The following TCF12 variants were observed in gnomAD, a reference collection of about 807,000 sequenced individuals.
TCF12 encodes the protein transcription factor 12, also known as DNA-binding protein HTF4.
Under a neutral mutation model 86.0 loss-of-function variants are expected in TCF12, and 45 were observed. The ratio of observed to expected loss-of-function variants is 0.52; its 90% CI spans 0.41 to 0.67. TCF12 has a LOEUF of 0.67. TCF12 is among the 30% of genes least tolerant of loss of function. The pLI is 0.00. For synonymous variants in TCF12, 330 were observed against 299.6 expected, an observed-to-expected ratio of 1.10 and a Z score of -1.05; for missense variants, 881 against 859.9, an observed-to-expected ratio of 1.02 and a Z score of -0.31.
At chr15:57,153,215 G>A (rs140787829) in intron 5 of TCF12, among the ~76,000 whole-genome samples, 7 of 152,300 alleles carry the variant, frequency 4.6e-5, no homozygotes, top group Admixed American at 3.9e-4. Flanking sequence ...TGTCACTCCA[G>A]ACAGAAACTT....
chr15:57,166,081 C>G (rs984585271), intron 5 of TCF12, among the ~76,000 whole-genome samples: 1 of 152,144 alleles, frequency 6.6e-6, no homozygotes, highest in African/African-American at 2.4e-5. Flanking sequence ...GCATATATCA[C>G]CATGCTAATT....
intron 5 of TCF12, among the ~76,000 whole-genome samples, chr15:57,112,617 C>T (rs1279376512): frequency 6.6e-6 from 1 of 152,106 alleles, no homozygotes; most frequent in African/African-American, 2.4e-5. Context: ...AGTGGACAGG[C>T]AGTTCATTTT....
At chr15:57,027,618 C>CT (rs1192504454) in intron 3 of TCF12, among the ~76,000 whole-genome samples, 1 of 151,926 alleles carries the variant, frequency 6.6e-6, no homozygotes, top group African/African-American at 2.4e-5. Flanking sequence ...GGTTAATACT[C>CT]TGAGAGAGTG....
At chr15:56,989,329 G>A (rs891175065) in intron 3 of TCF12, among the ~76,000 whole-genome samples, 2 of 152,008 alleles carry the variant, frequency 1.3e-5, no homozygotes, top group South Asian at 2.1e-4. Flanking sequence ...AGATATTTTC[G>A]TATCTGGCAT....
intron 3 of TCF12, among the ~76,000 whole-genome samples, chr15:57,018,690 C>G (rs150805229): frequency 7.9e-4 from 121 of 152,204 alleles, no homozygotes; most frequent in African/African-American, 2.7e-3. Context: ...CTCCACCTGC[C>G]TTGGCCTCCC....
chr15:57,001,613 C>A (rs1477722031), intron 3 of TCF12, among the ~76,000 whole-genome samples: 1 of 152,140 alleles, frequency 6.6e-6, no homozygotes, highest in South Asian at 2.1e-4. Flanking sequence ...AGCAGAGCAC[C>A]TGTCTAGGGA....
At chr15:57,035,957 T>A (rs993193440) in intron 3 of TCF12, among the ~76,000 whole-genome samples, 7 of 152,146 alleles carry the variant, frequency 4.6e-5, no homozygotes, top group Admixed American at 1.3e-4. Context: ...GAACTGTACG[T>A]GTGGGGGGAT....
chr15:57,032,048 A>C (rs1460694885), intron 3 of TCF12, among the ~76,000 whole-genome samples: 4 of 152,128 alleles, frequency 2.6e-5, no homozygotes, highest in Non-Finnish European at 5.9e-5. Flanking sequence ...TGTAAAAGTG[A>C]CCTCTTTCGG....
At chr15:57,074,615 C>T (rs1224289531) in intron 4 of TCF12, among the ~76,000 whole-genome samples, 1 of 152,172 alleles carries the variant, frequency 6.6e-6, no homozygotes, top group African/African-American at 2.4e-5. Flanking sequence ...TCAAGTGCCT[C>T]TCCCACCTTA....
chr15:57,142,447 C>G (rs1379396877), intron 5 of TCF12, among the ~76,000 whole-genome samples: 3 of 28,060 alleles, frequency 1.1e-4, no homozygotes, highest in Non-Finnish European at 5.3e-4. Context: ...TCTTGTTATT[C>G]TGGAAAGGAA....
At chr15:57,114,498 T>G (rs1011788562) in intron 5 of TCF12, among the ~76,000 whole-genome samples, 3 of 152,044 alleles carry the variant, frequency 2.0e-5, no homozygotes, top group Non-Finnish European at 2.9e-5. Flanking sequence ...GGGTCTCAGT[T>G]TGTTGCCCAT....
intron 18 of TCF12, among the ~76,000 whole-genome samples, chr15:57,265,455 C>T (rs963101658): frequency 6.6e-6 from 1 of 152,064 alleles, no homozygotes; most frequent in Admixed American, 6.5e-5. Context: ...CTACCTTGCT[C>T]CCTGAGCTGC....
chr15:57,171,822 G>T (rs1388884194), intron 6 of TCF12, among the ~76,000 whole-genome samples: 2 of 152,256 alleles, frequency 1.3e-5, no homozygotes, highest in Admixed American at 6.5e-5. Flanking sequence ...TTAATAATAG[G>T]TATATCACTT....
intron 3 of TCF12, among the ~76,000 whole-genome samples, chr15:56,938,684 T>G (rs1253831861): frequency 6.6e-6 from 1 of 151,552 alleles, no homozygotes; most frequent in Non-Finnish European, 1.5e-5. Flanking sequence ...TATTACCATT[T>G]CAGTGTCGCT....
intron 3 of TCF12, among the ~76,000 whole-genome samples, chr15:57,025,362 G>C (rs1400868204): frequency 6.6e-6 from 1 of 152,160 alleles, no homozygotes; most frequent in African/African-American, 2.4e-5. Flanking sequence ...TTACAGGCAT[G>C]AGCCACCGCC....
intron 5 of TCF12, among the ~76,000 whole-genome samples, chr15:57,151,173 G>T (rs1392059497): frequency 6.2e-5 from 9 of 145,746 alleles, no homozygotes; most frequent in African/African-American, 2.0e-4. Flanking sequence ...TAGAGACAGG[G>T]TCTTACTATG....
chr15:57,028,375 A>G (rs1596198002), intron 3 of TCF12, among the ~76,000 whole-genome samples: 1 of 152,072 alleles, frequency 6.6e-6, no homozygotes, highest in South Asian at 2.1e-4. Context: ...AACATTCTCT[A>G]TCACACTTGG....
intron 3 of TCF12, among the ~76,000 whole-genome samples, chr15:56,948,458 T>C (rs1465018824): frequency 6.6e-6 from 1 of 152,210 alleles, no homozygotes; most frequent in African/African-American, 2.4e-5. Context: ...TTTCTTTCTT[T>C]GAAGAATTTA....
intron 5 of TCF12, among the ~76,000 whole-genome samples, chr15:57,152,003 G>T (rs1007610949): frequency 6.6e-6 from 1 of 152,112 alleles, no homozygotes; most frequent in African/African-American, 2.4e-5. Flanking sequence ...ATAAGCTGAG[G>T]ATGAAATACT....
Sources: gnomAD v4.1 joint callset for allele counts (sites outside exome capture counted in the v4.1 genomes callset) on GRCh38, gnomAD v4.1.1 for gene constraint, MANE v1.5 for transcripts, NCBI Gene and HGNC (gene_info 2026-07-23, HGNC 2026-07-21) for gene names.